The following CLIC4 variants were observed in gnomAD, a reference collection of about 807,000 sequenced individuals.
CLIC4 encodes the protein chloride intracellular channel protein 4.
In CLIC4, 13 loss-of-function variants were observed where a neutral mutation model predicts 24.6. The observed-to-expected ratio is 0.53, with a 90% CI of 0.34 to 0.84. The LOEUF is 0.84. Ranked by LOEUF, CLIC4 falls within the 40% of genes least tolerant of loss-of-function variation. The pLI is 0.01. For missense variants in CLIC4, 227 were observed against 301.7 expected, an observed-to-expected ratio of 0.75 and a Z score of 1.83; for synonymous variants, 104 against 111.3, an observed-to-expected ratio of 0.93 and a Z score of 0.41.
At chr1:24,829,875 T>C (rs1639823198) in intron 4 of CLIC4, among the ~76,000 whole-genome samples, 1 of 152,248 alleles carries the variant, frequency 6.6e-6, no homozygotes. Context: ...CTGCATTGTA[T>C]ATTGAATTAT....
intron 2 of CLIC4, among the ~76,000 whole-genome samples, chr1:24,807,002 T>G (rs1639557388): frequency 6.6e-6 from 1 of 152,100 alleles, no homozygotes; most frequent in Non-Finnish European, 1.5e-5. Context: ...TCCCAATAAA[T>G]ATTTTTATTT....
At chr1:24,813,585 A>C (rs1639638654) in intron 2 of CLIC4, among the ~76,000 whole-genome samples, 1 of 150,304 alleles carries the variant, frequency 6.7e-6, no homozygotes, top group South Asian at 2.1e-4. Flanking sequence ...TGCCCAGCTA[A>C]TTTTTATATT....
At chr1:24,770,019 A>AT (rs963645813) in intron 1 of CLIC4, among the ~76,000 whole-genome samples, 1 of 151,656 alleles carries the variant, frequency 6.6e-6, no homozygotes, top group Non-Finnish European at 1.5e-5. Context: ...TGCCCAGCTA[A>AT]TTTTTTTTAA....
chr1:24,772,328 G>A (rs187431325), intron 1 of CLIC4, among the ~76,000 whole-genome samples: 84 of 151,910 alleles, frequency 5.5e-4, no homozygotes, highest in African/African-American at 1.7e-3. Context: ...ATTGAAATCC[G>A]AAGTAAAATA....
At chr1:24,832,175 TTA>T (rs1451321566) in intron 4 of CLIC4, among the ~76,000 whole-genome samples, 1 of 152,226 alleles carries the variant, frequency 6.6e-6, no homozygotes, top group Non-Finnish European at 1.5e-5. Flanking sequence ...TAATAAAAAT[TTA>T]TGTTTATTAT....
chr1:24,746,488 A>G (rs1461099678), intron 1 of CLIC4, among the ~76,000 whole-genome samples: 1 of 152,074 alleles, frequency 6.6e-6, no homozygotes, highest in Non-Finnish European at 1.5e-5. Flanking sequence ...TCTCTTTAAT[A>G]CTTTTTATTT....
chr1:24,817,459 A>C (rs887509911), intron 3 of CLIC4, among the ~76,000 whole-genome samples: 1 of 152,132 alleles, frequency 6.6e-6, no homozygotes, highest in Non-Finnish European at 1.5e-5. Flanking sequence ...TAGATTTGTC[A>C]CCTCTCTCTG....
At chr1:24,769,468 T>C (rs1639046547) in intron 1 of CLIC4, among the ~76,000 whole-genome samples, 1 of 152,232 alleles carries the variant, frequency 6.6e-6, no homozygotes, top group Non-Finnish European at 1.5e-5. Flanking sequence ...TGTTTGGGTA[T>C]GGTTGCAGGG....
intron 1 of CLIC4, among the ~76,000 whole-genome samples, chr1:24,776,919 A>G (rs1293512744): frequency 1.3e-5 from 2 of 152,208 alleles, no homozygotes; most frequent in African/African-American, 4.8e-5. Flanking sequence ...TCTCAAAAAA[A>G]AACCCGAAAA....
chr1:24,761,113 T>C (rs753911447), intron 1 of CLIC4, among the ~76,000 whole-genome samples: 3 of 152,112 alleles, frequency 2.0e-5, no homozygotes, highest in Non-Finnish European at 4.4e-5. Context: ...GATTCTGAGA[T>C]TTTTGTTCTG....
intron 1 of CLIC4, among the ~76,000 whole-genome samples, chr1:24,772,253 T>G (rs1439189451): frequency 6.6e-6 from 1 of 152,088 alleles, no homozygotes; most frequent in Non-Finnish European, 1.5e-5. Context: ...TTCTTCTTCT[T>G]CTTTTTTTTT....
At chr1:24,837,468 G>A (rs1639897246) in intron 4 of CLIC4, among the ~76,000 whole-genome samples, 1 of 152,180 alleles carries the variant, frequency 6.6e-6, no homozygotes, top group African/African-American at 2.4e-5. Context: ...AGCATTTGAG[G>A]AAGAAGTAAG....
chr1:24,761,710 G>C (rs142797304), intron 1 of CLIC4, among the ~76,000 whole-genome samples: 1 of 152,300 alleles, frequency 6.6e-6, no homozygotes, highest in African/African-American at 2.4e-5. Flanking sequence ...GGAGGCAAGA[G>C]TGGCAATAAG....
intron 3 of CLIC4, among the ~76,000 whole-genome samples, 161 bp downstream of exon 3, chr1:24,814,380 GC>G (rs1639647714): frequency 6.6e-6 from 1 of 152,188 alleles, no homozygotes; most frequent in Non-Finnish European, 1.5e-5. Context: ...TTGGCTTCCA[GC>G]TAGGCCAATC....
intron 1 of CLIC4, among the ~76,000 whole-genome samples, chr1:24,791,280 G>T (rs1164628609): frequency 6.6e-6 from 1 of 152,120 alleles, no homozygotes; most frequent in Non-Finnish European, 1.5e-5. Flanking sequence ...CCCAGTGTAG[G>T]ATGCTTTCCA....
intron 1 of CLIC4, among the ~76,000 whole-genome samples, chr1:24,756,901 GT>G (rs551557337): frequency 2.0e-4 from 27 of 134,370 alleles, no homozygotes; most frequent in East Asian, 4.1e-4. Flanking sequence ...TTTTTTTAAT[GT>G]TTTTTTTTTT....
At chr1:24,761,555 G>A (rs1171828082) in intron 1 of CLIC4, among the ~76,000 whole-genome samples, 2 of 152,158 alleles carry the variant, frequency 1.3e-5, no homozygotes, top group East Asian at 1.9e-4. Flanking sequence ...ATTGACAGGG[G>A]CCACATCATG....
intron 3 of CLIC4, among the ~76,000 whole-genome samples, chr1:24,818,326 AC>A (rs1407918261): frequency 6.6e-6 from 1 of 152,052 alleles, no homozygotes; most frequent in Non-Finnish European, 1.5e-5. Context: ...TCACTCTGTC[AC>A]CCAGGCTGGA....
At chr1:24,774,812 T>C (rs922017331) in intron 1 of CLIC4, among the ~76,000 whole-genome samples, 3 of 152,136 alleles carry the variant, frequency 2.0e-5, no homozygotes, top group African/African-American at 7.2e-5. Context: ...GGCTCATGCC[T>C]ATAATCACAG....
Sources: allele counts gnomAD v4.1 joint callset (sites outside exome capture counted in the v4.1 genomes callset), GRCh38; gene constraint gnomAD v4.1.1; transcripts MANE v1.5; gene names NCBI Gene and HGNC (gene_info 2026-07-23, HGNC 2026-07-21).